ANAPC10: variants seen among roughly 807,000 people sequenced by gnomAD.
ANAPC10 encodes the protein anaphase-promoting complex subunit 10.
Under a neutral mutation model 22.0 loss-of-function variants are expected in ANAPC10, and 12 were observed. The observed-to-expected ratio is 0.55, with a 90% CI of 0.35 to 0.88. The LOEUF is 0.88. Ranked by LOEUF, ANAPC10 falls within the 40% of genes least tolerant of loss-of-function variation. ANAPC10 has a pLI of 0.01. For missense variants in ANAPC10, 188 were observed against 220.9 expected, an observed-to-expected ratio of 0.85 and a Z score of 0.94; for synonymous variants, 65 against 69.5, an observed-to-expected ratio of 0.94 and a Z score of 0.32.
At chr4:144,995,892 T>A (rs374363598) in intron 4 of ANAPC10, among the ~76,000 whole-genome samples, 103 of 152,278 alleles carry the variant, frequency 6.8e-4, no homozygotes, top group African/African-American at 2.3e-3. Context: ...ATAAAACAAA[T>A]ACACTAGAAA....
chr4:145,044,580 G>C (rs900946986), intron 4 of ANAPC10, among the ~76,000 whole-genome samples: 1 of 151,928 alleles, frequency 6.6e-6, no homozygotes. Context: ...GTTTTCATTC[G>C]CAATGTTGTT....
At chr4:145,094,259 A>G (rs758834735) in intron 2 of ANAPC10, among the ~76,000 whole-genome samples, 31 of 152,222 alleles carry the variant, frequency 2.0e-4, no homozygotes, top group South Asian at 4.1e-4. Context: ...TACATACAGT[A>G]TTTATATCGG....
chr4:145,087,127 T>C (rs1476272752), intron 2 of ANAPC10, among the ~76,000 whole-genome samples: 5 of 152,022 alleles, frequency 3.3e-5, no homozygotes, highest in Non-Finnish European at 4.4e-5. Context: ...TGAACCTGAC[T>C]CACAGCCTAA....
chr4:145,052,887 CAAAA>C (rs11455853), intron 4 of ANAPC10, among the ~76,000 whole-genome samples: 2 of 96,032 alleles, frequency 2.1e-5, no homozygotes, highest in African/African-American at 4.5e-5. Flanking sequence ...GACTCTGTCT[CAAAA>C]AAAAAAAAAA....
intron 4 of ANAPC10, among the ~76,000 whole-genome samples, chr4:145,032,794 C>T (rs1737824165): frequency 6.6e-6 from 1 of 152,218 alleles, no homozygotes; most frequent in Non-Finnish European, 1.5e-5. Context: ...AGCCAGCTAC[C>T]TGGTGGCAGG....
intron 4 of ANAPC10, among the ~76,000 whole-genome samples, chr4:145,008,132 C>T (rs1042939924): frequency 6.6e-6 from 1 of 152,048 alleles, no homozygotes; most frequent in East Asian, 1.9e-4. Flanking sequence ...CAAGACTAAA[C>T]CAGGAAGAAG....
intron 2 of ANAPC10, among the ~76,000 whole-genome samples, chr4:145,093,724 C>T (rs988654700): frequency 6.6e-6 from 1 of 151,632 alleles, no homozygotes; most frequent in Non-Finnish European, 1.5e-5. Flanking sequence ...TCAGTATATT[C>T]AATAAAGCCA....
intron 4 of ANAPC10, among the ~76,000 whole-genome samples, chr4:145,055,233 C>A (rs1198015216): frequency 2.0e-5 from 3 of 152,074 alleles, no homozygotes; most frequent in Non-Finnish European, 4.4e-5. Context: ...GAAATACATA[C>A]CTTTTGCACC....
chr4:145,043,929 G>T (rs1041725772), intron 4 of ANAPC10, among the ~76,000 whole-genome samples: 9 of 151,836 alleles, frequency 5.9e-5, no homozygotes, highest in Non-Finnish European at 1.3e-4. Context: ...TTTAATAAAA[G>T]CTGATATATT....
rs189841337 is a variant in ANAPC10 at position 145,031,210 on chromosome 4, T to C, written c.327+33362A>G. Among the ~76,000 whole-genome samples, 24 of 152,306 alleles carry C rather than the reference T, an allele frequency of 1.6e-4. No homozygotes were observed. In the East Asian group the frequency reaches 3.7e-3, roughly 23 times the overall value. On this transcript the variant is annotated intron_variant, in intron 4 of 4. Transcript: ENST00000507656. The stretch of plus-strand genomic sequence containing the variant: ...TATTCGAAGAGACCTTGATCACTTT[T>C]CCCTTCCACAAGATATCACACTGGT...
In ANAPC10 at chr4:145,094,561, G is replaced by A. The variant is rs866010099; in HGVS notation, c.115+1424C>T. ...ACAGAAGAGGCTTGGTTGAGAGGAT[G>A]GATACAGGAGTCATAATGTGCAAAT... On this transcript the variant is annotated intron_variant, in intron 2 of 4. Coordinates refer to ENST00000507656, the MANE Select transcript of ANAPC10 (RefSeq NM_001256706.2). 3.9e-5 allele frequency among the ~76,000 whole-genome samples: 6 copies of A among 152,180 alleles called. 1 individual carries two copies. The highest frequency in any genetic ancestry group is 7.2e-5 in the African/African-American group (3 of 41,536).
intron 4 of ANAPC10, among the ~76,000 whole-genome samples, chr4:145,038,090 T>C (rs1478938467): frequency 6.6e-6 from 1 of 151,772 alleles, no homozygotes; most frequent in African/African-American, 2.4e-5. Flanking sequence ...ATCTCAACAT[T>C]TTAGGAGGCG....
intron 4 of ANAPC10, among the ~76,000 whole-genome samples, chr4:145,001,219 G>GGAGGGAGGGAAGGAGGGAGT (rs1732507587): frequency 1.5e-5 from 2 of 136,494 alleles, no homozygotes; most frequent in Non-Finnish European, 3.2e-5. Flanking sequence ...AAGGAGGGAG[G>GGAGGGAGGGAAGGAGGGAGT]GAGGGAGGGA....
At chr4:145,072,029 C>A (rs1421158136) in intron 3 of ANAPC10, among the ~76,000 whole-genome samples, 3 of 150,946 alleles carry the variant, frequency 2.0e-5, no homozygotes, top group Non-Finnish European at 4.4e-5. Context: ...CAAAAAAAAA[C>A]TAGGTAGGGT....
At chr4:145,047,845 G>A (rs1454955163) in intron 4 of ANAPC10, among the ~76,000 whole-genome samples, 1 of 152,076 alleles carries the variant, frequency 6.6e-6, no homozygotes, top group Non-Finnish European at 1.5e-5. Flanking sequence ...ATGTGAAGTG[G>A]CTACCTAAAT....
At chr4:145,036,351 A>G (rs1229870776) in intron 4 of ANAPC10, among the ~76,000 whole-genome samples, 1 of 152,244 alleles carries the variant, frequency 6.6e-6, no homozygotes, top group Admixed American at 6.5e-5. Flanking sequence ...CACATCTAAT[A>G]CAGGTATCTA....
intron 4 of ANAPC10, among the ~76,000 whole-genome samples, chr4:145,020,326 C>G (rs868244689): frequency 6.6e-6 from 1 of 152,000 alleles, no homozygotes; most frequent in Admixed American, 6.6e-5. Flanking sequence ...AGAATGAAAA[C>G]AAAAATCACA....
At chr4:145,037,292 C>T (rs1329962345) in intron 4 of ANAPC10, among the ~76,000 whole-genome samples, 2 of 151,942 alleles carry the variant, frequency 1.3e-5, no homozygotes, top group Non-Finnish European at 2.9e-5. Context: ...CTTATGCAAA[C>T]ATATAGAAAT....
chr4:145,038,550 C>T (rs35316881), intron 4 of ANAPC10, among the ~76,000 whole-genome samples: 36,054 of 151,744 alleles, frequency 0.24, 5,364 homozygotes, highest in East Asian at 0.45. Context: ...GGCAGCCAGG[C>T]GCAATGGCTC....
Sources: gnomAD v4.1 joint callset for allele counts (sites outside exome capture counted in the v4.1 genomes callset) on GRCh38, gnomAD v4.1.1 for gene constraint, MANE v1.5 for transcripts, NCBI Gene and HGNC (gene_info 2026-07-23, HGNC 2026-07-21) for gene names.